Variants in PDE4B observed in about 807,000 individuals in gnomAD.
PDE4B encodes the protein 3',5'-cyclic-AMP phosphodiesterase 4B.
In PDE4B, 20 loss-of-function variants were observed where a neutral mutation model predicts 82.2. The observed-to-expected ratio is 0.24, with a 90% confidence interval of 0.17 to 0.35. The LOEUF (loss-of-function observed/expected upper bound fraction) is 0.35, where lower values mean the gene tolerates loss of function less well. PDE4B is among the 10% of genes least tolerant of loss of function. PDE4B has a pLI of 1.00. For synonymous variants in PDE4B, 320 were observed against 318.9 expected (o/e 1.00, Z -0.04); for missense variants, 655 against 907.2 (o/e 0.72, Z 3.57).
Position 66,363,172 on chromosome 1 carries a change from T to C in PDE4B, c.1025T>C (p.Leu342Pro). The C allele has an allele frequency of 6.2e-7, 1 of 1,602,304 alleles. No individual in the cohort carries two copies. Among genetic ancestry groups the C allele is most frequent in the Non-Finnish European group, 8.5e-7 (1 of 1,170,608 alleles). ...CCTTTAAATTTTTAATTATAGGAGCTGGAAGACCTGAACAAATGGGGTCTT... is the reference window on the plus strand; with the variant it reads ...CCTTTAAATTTTTAATTATAGGAGCCGGAAGACCTGAACAAATGGGGTCTT... ...TENEDHLAKE[L>P]EDLNKWGLNI... The change falls in exon 11 of 17, where the codon CTG (leucine) becomes CCG (proline). Residue 342 changes from leucine (L) to proline (P), a missense_variant. By Grantham distance (98) the Leu-to-Pro change is moderately conservative. This residue lies in a region of PDE4B where 283 missense variants were observed against 516.4 expected (regional missense o/e 0.55). Transcript: ENST00000341517.
intron 3 of PDE4B, chr1:66,152,283 T>G (rs1473260909): frequency 6.2e-6 from 1 of 160,958 alleles, no homozygotes; most frequent in Non-Finnish European, 1.4e-5. Flanking sequence ...TGGAAGCAAT[T>G]CCCAGTGCTG....
chr1:66,357,013 G>A (rs558108721), intron 9 of PDE4B, among the ~76,000 whole-genome samples: 29 of 152,296 alleles, frequency 1.9e-4, no homozygotes, highest in African/African-American at 6.7e-4. Flanking sequence ...GAGCATTTCA[G>A]ATATACCCTG....
chr1:66,259,816 A>G lies in PDE4B; in HGVS notation c.584+1953A>G, dbSNP rs202157434. Among the ~76,000 whole-genome samples, 10 of 152,220 alleles carry G rather than the reference A, an allele frequency of 6.6e-5. No individual in the cohort carries two copies. In the East Asian group the frequency reaches 1.9e-3, roughly 29 times the overall value. On this transcript the variant is annotated intron_variant, in intron 6 of 16. Transcript: ENST00000341517. ...AGGAAAGACCACCAATTATTTAGAA[A>G]ATTATATTTGCAGGATTGATTCCTT...
chr1:66,349,062 A>T (rs1480362189), intron 8 of PDE4B, among the ~76,000 whole-genome samples: 2 of 152,146 alleles, frequency 1.3e-5, no homozygotes, highest in African/African-American at 4.8e-5. Context: ...AAAGGGTTAG[A>T]TAGATAGGAA....
chr1:65,891,211 T>A (rs554194015), intron 1 of PDE4B, among the ~76,000 whole-genome samples: 17 of 152,266 alleles, frequency 1.1e-4, no homozygotes, highest in African/African-American at 3.8e-4. Flanking sequence ...ACTTCTTTTA[T>A]TTTTAATTAA....
At chr1:65,896,385 A>G (rs749015538) in intron 1 of PDE4B, among the ~76,000 whole-genome samples, 2 of 152,112 alleles carry the variant, frequency 1.3e-5, no homozygotes, top group Non-Finnish European at 2.9e-5. Context: ...CCATGACTCA[A>G]TTGCCTCCCA....
At chr1:65,976,980 T>A (rs983604687) in intron 3 of PDE4B, among the ~76,000 whole-genome samples, 8 of 152,202 alleles carry the variant, frequency 5.3e-5, no homozygotes, top group African/African-American at 1.9e-4. Context: ...TGTGATAGGA[T>A]CTATTTTTCA....
At chr1:66,152,683 G>T (rs887545779) in intron 3 of PDE4B, among the ~76,000 whole-genome samples, 1 of 149,872 alleles carries the variant, frequency 6.7e-6, no homozygotes, top group Non-Finnish European at 1.5e-5. Context: ...GAAGTTTATT[G>T]TAAGGAACCA....
At chr1:65,940,420 C>T (rs910220197) in intron 3 of PDE4B, among the ~76,000 whole-genome samples, 3 of 151,894 alleles carry the variant, frequency 2.0e-5, no homozygotes, top group Admixed American at 6.6e-5. Flanking sequence ...CAAGGGGAAG[C>T]CATTGTACAG....
At chr1:65,900,042 A>G (rs188830109) in intron 1 of PDE4B, among the ~76,000 whole-genome samples, 7 of 152,102 alleles carry the variant, frequency 4.6e-5, no homozygotes, top group Admixed American at 4.6e-4. Flanking sequence ...ATAAAAAAAT[A>G]AAAAAGAAGG....
At chr1:66,194,146 C>A (rs1648070986) in intron 3 of PDE4B, among the ~76,000 whole-genome samples, 2 of 152,012 alleles carry the variant, frequency 1.3e-5, no homozygotes, top group Admixed American at 1.3e-4. Context: ...AGGAAGATTG[C>A]TATCAAGATG....
chr1:65,910,075 T>G (rs1647072816), intron 1 of PDE4B, among the ~76,000 whole-genome samples: 1 of 152,206 alleles, frequency 6.6e-6, no homozygotes, highest in African/African-American at 2.4e-5. Context: ...CAGGCTTCAT[T>G]ACTGTTCCCA....
chr1:65,947,964 C>A (rs1648795867), intron 3 of PDE4B, among the ~76,000 whole-genome samples: 1 of 147,886 alleles, frequency 6.8e-6, no homozygotes, highest in Admixed American at 6.8e-5. Context: ...AATACATATA[C>A]ATAAATATAT....
chr1:65,999,240 A>G (rs1169662492), intron 3 of PDE4B, among the ~76,000 whole-genome samples: 1 of 152,104 alleles, frequency 6.6e-6, no homozygotes, highest in Non-Finnish European at 1.5e-5. Context: ...TTGGATGTTT[A>G]TAGTGCTTCC....
chr1:66,360,610 G>A (rs896256668), intron 9 of PDE4B: 3 of 152,228 alleles, frequency 2.0e-5, no homozygotes, highest in African/African-American at 7.2e-5. Flanking sequence ...CAATAAAGTA[G>A]TTTTTATGCA....
intron 3 of PDE4B, among the ~76,000 whole-genome samples, chr1:65,944,466 G>A (rs1349489109): frequency 6.6e-6 from 1 of 151,868 alleles, no homozygotes; most frequent in Non-Finnish European, 1.5e-5. Context: ...TTTAATGCTG[G>A]TCTGAAAATA....
At chr1:66,180,044 A>AT (rs1647027280) in intron 3 of PDE4B, among the ~76,000 whole-genome samples, 1 of 152,170 alleles carries the variant, frequency 6.6e-6, no homozygotes, top group South Asian at 2.1e-4. Flanking sequence ...TTCATTTAAC[A>AT]TTTTTCAAAC....
At chr1:66,112,652 C>G (rs541100464) in intron 3 of PDE4B, 1 of 152,238 alleles carries the variant, frequency 6.6e-6, no homozygotes. Context: ...CAGATTGAGT[C>G]TCTCTTTATC....
At chr1:66,160,662 A>T (rs1042659134) in intron 3 of PDE4B, among the ~76,000 whole-genome samples, 3 of 152,222 alleles carry the variant, frequency 2.0e-5, no homozygotes, top group Non-Finnish European at 4.4e-5. Flanking sequence ...TTACAAGAAT[A>T]AAAAGATATC....
Sources: allele counts gnomAD v4.1 joint callset (sites outside exome capture counted in the v4.1 genomes callset), GRCh38; gene constraint gnomAD v4.1.1; regional missense constraint gnomAD v4.1.1; transcripts MANE v1.5; gene names NCBI Gene and HGNC (gene_info 2026-07-23, HGNC 2026-07-21).